The following MICU2 variants were observed in gnomAD, a reference collection of about 807,000 sequenced individuals.
MICU2 encodes calcium uptake protein 2, mitochondrial.
MICU2 carries 64 observed loss-of-function variants against 60.4 expected under a neutral mutation model. The observed-to-expected ratio is 1.06, with a 90% CI of 0.87 to 1.31. The LOEUF (loss-of-function observed/expected upper bound fraction) is 1.31. Ranked by LOEUF, MICU2 falls within the 50% of genes most tolerant of loss-of-function variation. The pLI, the probability that MICU2 is intolerant of heterozygous loss-of-function variation, is 0.00. For synonymous variants in MICU2, 201 were observed against 175.0 expected (o/e 1.15, Z -1.17); for missense variants, 569 against 531.0 (o/e 1.07, Z -0.70).
At chr13:21,594,680 A>T (rs1888654590) in intron 1 of MICU2, among the ~76,000 whole-genome samples, 2 of 152,244 alleles carry the variant, frequency 1.3e-5, no homozygotes, top group Non-Finnish European at 2.9e-5. Context: ...CATATATACC[A>T]TACAATACTA....
intron 1 of MICU2, among the ~76,000 whole-genome samples, chr13:21,585,426 A>G (rs997493736): frequency 1.3e-5 from 2 of 152,182 alleles, no homozygotes. Context: ...TGGCCTACCA[A>G]TTTTACATGT....
Position 21,603,319 on chromosome 13 carries a change from G to A in MICU2, c.210+620C>T, listed in dbSNP as rs149781221. On this transcript the variant is annotated intron_variant, in intron 1 of 11. Coordinates refer to ENST00000382374, the MANE Select transcript of MICU2 (RefSeq NM_152726.3). ...AGGTTTTAGGAGCAATTTTTGCTTA[G>A]AACTTATGGTCCACTAAGATATTAA... 6.3e-3 allele frequency among the ~76,000 whole-genome samples: 960 copies of A among 152,188 alleles called. 6 individuals carry two copies. Among genetic ancestry groups the A allele is most frequent in the Middle Eastern group, 0.024 (7 of 294 alleles).
intron 8 of MICU2, among the ~76,000 whole-genome samples, chr13:21,504,633 C>G (rs1886250842): frequency 6.6e-6 from 1 of 152,120 alleles, no homozygotes; most frequent in Non-Finnish European, 1.5e-5. Context: ...GTAGATAAGG[C>G]TGCCAGACAC....
intron 1 of MICU2, among the ~76,000 whole-genome samples, chr13:21,595,186 G>A (rs1317273853): frequency 5.3e-5 from 8 of 152,166 alleles, no homozygotes; most frequent in Non-Finnish European, 1.5e-5. Flanking sequence ...TATACCGGCT[G>A]TCAATTTATT....
chr13:21,569,850 G>C (rs1314967470), intron 1 of MICU2, among the ~76,000 whole-genome samples: 1 of 150,218 alleles, frequency 6.7e-6, no homozygotes, highest in East Asian at 1.9e-4. Context: ...TACGGCTTGT[G>C]AAAGTTAACC....
chr13:21,533,956 GT>G (rs1887069249), intron 4 of MICU2, among the ~76,000 whole-genome samples: 2 of 151,808 alleles, frequency 1.3e-5, no homozygotes, highest in African/African-American at 2.4e-5. Flanking sequence ...ATAATTTCAT[GT>G]TTTTATTCAG....
chr13:21,515,526 A>C (rs1486275355), intron 6 of MICU2: 2 of 435,624 alleles, frequency 4.6e-6, no homozygotes, highest in Non-Finnish European at 9.2e-6. Flanking sequence ...GTACATTAAA[A>C]AACCTACCTG....
At chr13:21,566,494 A>G (rs1238433717) in intron 2 of MICU2, among the ~76,000 whole-genome samples, 1 of 146,808 alleles carries the variant, frequency 6.8e-6, no homozygotes, top group Non-Finnish European at 1.5e-5. Context: ...TCTCAAATCT[A>G]GTTTCATTTT....
intron 2 of MICU2, among the ~76,000 whole-genome samples, chr13:21,560,164 A>G (rs1887806876): frequency 6.6e-6 from 1 of 152,204 alleles, no homozygotes; most frequent in African/African-American, 2.4e-5. Flanking sequence ...TTTGATCAAT[A>G]GAAGTTCTAA....
In MICU2 at chr13:21,493,745, A is replaced by G. The variant is rs540468955; in HGVS notation, c.1201-392T>C. Among the ~76,000 whole-genome samples the G allele has an allele frequency of 2.0e-5, 3 of 152,100 alleles. 1 individual carries two copies. In the East Asian group the frequency reaches 5.8e-4, roughly 29 times the overall value. On this transcript the variant is annotated intron_variant, in intron 11 of 11. Coordinates refer to ENST00000382374, the MANE Select transcript of MICU2 (RefSeq NM_152726.3). ...ACTTTGTTTAGCTATGTAGAATACA[A>G]TTATAAGCCTAAAGCTTTGATTTAA...
chr13:21,560,863 A>G (rs1015242631), intron 2 of MICU2, among the ~76,000 whole-genome samples: 1 of 152,202 alleles, frequency 6.6e-6, no homozygotes, highest in Non-Finnish European at 1.5e-5. Context: ...CGACTATATT[A>G]TATTGATTTG....
chr13:21,548,922 T>C (rs1021090084), intron 2 of MICU2, among the ~76,000 whole-genome samples: 2 of 69,260 alleles, frequency 2.9e-5, no homozygotes, highest in African/African-American at 9.9e-5. Context: ...AGTTTGAGAG[T>C]TTTTTTTTTT....
chr13:21,560,962 C>T (rs1264744720), intron 2 of MICU2, among the ~76,000 whole-genome samples: 1 of 152,204 alleles, frequency 6.6e-6, no homozygotes, highest in Non-Finnish European at 1.5e-5. Context: ...GAGTTCTCTT[C>T]TAGGGACCAA....
chr13:21,558,909 T>C (rs757036857), intron 2 of MICU2, among the ~76,000 whole-genome samples: 17 of 152,120 alleles, frequency 1.1e-4, no homozygotes, highest in African/African-American at 2.7e-4. Flanking sequence ...TGAGAAATGC[T>C]GGTATCCGGT....
Position 21,510,036 on chromosome 13 carries a change from T to C in MICU2, c.729A>G (p.Gly243=). The C allele has an allele frequency of 1.3e-6, 2 of 1,544,546 alleles. No individual in the cohort carries two copies. Among genetic ancestry groups the C allele is most frequent in the Non-Finnish European group, 1.7e-6 (2 of 1,151,810 alleles). ...ATTCTTTATAATGAAGTTTTCTTTG[T>C]CCTCTTTTTCCAAAGAAACGCATCT... The part of the protein sequence containing the change: ...TLQMRFFGKR[G]QRKLHYKEFR... Residue 243 remains glycine (G), a synonymous_variant, in exon 8 of 12, where the codon GGA becomes GGG. Transcript: ENST00000382374.
At chr13:21,601,429 G>A (rs1888812336) in intron 1 of MICU2, among the ~76,000 whole-genome samples, 1 of 152,222 alleles carries the variant, frequency 6.6e-6, no homozygotes, top group African/African-American at 2.4e-5. Context: ...TCCAATAGCA[G>A]ATCAGGCAAA....
At chr13:21,527,531 A>C (rs1886887505) in intron 4 of MICU2, among the ~76,000 whole-genome samples, 1 of 152,218 alleles carries the variant, frequency 6.6e-6, no homozygotes, top group African/African-American at 2.4e-5. Context: ...GTGGGTTACA[A>C]ATAAACAAGG....
chr13:21,521,645 T>C (rs1886719412), intron 5 of MICU2, among the ~76,000 whole-genome samples: 1 of 152,226 alleles, frequency 6.6e-6, no homozygotes, highest in Non-Finnish European at 1.5e-5. Flanking sequence ...TACAGTACCT[T>C]GGTTATTTTC....
intron 1 of MICU2, among the ~76,000 whole-genome samples, chr13:21,570,182 C>A (rs1248701167): frequency 6.6e-6 from 1 of 152,068 alleles, no homozygotes; most frequent in Non-Finnish European, 1.5e-5. Flanking sequence ...TTCTTTGCTA[C>A]AACAAAATTT....
Sources: gnomAD v4.1 joint callset for allele counts (sites outside exome capture counted in the v4.1 genomes callset) on GRCh38, gnomAD v4.1.1 for gene constraint, MANE v1.5 for transcripts, NCBI Gene and HGNC (gene_info 2026-07-23, HGNC 2026-07-21) for gene names.